Variants in NAALADL2 observed in about 807,000 individuals in gnomAD.
NAALADL2 encodes the protein N-acetylated alpha-linked acidic dipeptidase like 2, also known as inactive N-acetylated-alpha-linked acidic dipeptidase-like protein 2.
In NAALADL2, 76 loss-of-function variants were observed where a neutral mutation model predicts 87.2. That is an observed-to-expected ratio of 0.87 (90% CI 0.72 to 1.05). NAALADL2 has a LOEUF of 1.05. NAALADL2 is among the 50% of genes least tolerant of loss of function. NAALADL2 has a pLI of 0.00. For missense variants in NAALADL2, 1,089 were observed against 945.8 expected (o/e 1.15, Z -1.99); for synonymous variants, 354 against 331.0 (o/e 1.07, Z -0.75).
At chr3:175,127,351 G>A (rs1171892772) in intron 2 of NAALADL2, among the ~76,000 whole-genome samples, 3 of 151,978 alleles carry the variant, frequency 2.0e-5, no homozygotes, top group Admixed American at 6.6e-5. Flanking sequence ...GTATCCCTGC[G>A]GTAATTTCCA....
chr3:175,642,288 A>C (rs986780247), intron 11 of NAALADL2, among the ~76,000 whole-genome samples: 3 of 152,188 alleles, frequency 2.0e-5, no homozygotes, highest in African/African-American at 7.2e-5. Context: ...TTTTTACCCT[A>C]TAAGATTTAC....
chr3:174,733,514 G>T (rs1383826578), intron 2 of NAALADL2, among the ~76,000 whole-genome samples: 1 of 152,206 alleles, frequency 6.6e-6, no homozygotes, highest in Admixed American at 6.5e-5. Flanking sequence ...CAAGAGAAAG[G>T]TTAGGAAAAG....
chr3:174,772,701 G>A (rs1179508685), intron 3 of NAALADL2, among the ~76,000 whole-genome samples: 1 of 152,204 alleles, frequency 6.6e-6, no homozygotes, highest in East Asian at 1.9e-4. Context: ...TCTGCGTTCT[G>A]GTATTGATAG....
intron 11 of NAALADL2, among the ~76,000 whole-genome samples, chr3:175,657,412 T>C (rs1434534882): frequency 6.6e-6 from 1 of 152,120 alleles, no homozygotes; most frequent in African/African-American, 2.4e-5. Flanking sequence ...AAATCATTTT[T>C]TATTGCTTAT....
intron 5 of NAALADL2, among the ~76,000 whole-genome samples, chr3:175,334,852 G>A (rs1016881919): frequency 2.6e-5 from 4 of 152,108 alleles, no homozygotes; most frequent in Admixed American, 6.6e-5. Context: ...TATTGGGACC[G>A]TCAAACCACA....
At chr3:175,491,528 G>C (rs1728093869) in intron 9 of NAALADL2, among the ~76,000 whole-genome samples, 1 of 152,098 alleles carries the variant, frequency 6.6e-6, no homozygotes, top group African/African-American at 2.4e-5. Flanking sequence ...ACAGCTGAAA[G>C]TTTAAAAATC....
intron 2 of NAALADL2, among the ~76,000 whole-genome samples, chr3:175,118,969 C>CT (rs2108549314): frequency 6.6e-6 from 1 of 151,712 alleles, no homozygotes; most frequent in East Asian, 1.9e-4. Flanking sequence ...AAATTGTTGC[C>CT]TATTATAACA....
chr3:174,786,555 T>G (rs1716702740), intron 3 of NAALADL2, among the ~76,000 whole-genome samples: 1 of 152,134 alleles, frequency 6.6e-6, no homozygotes, highest in South Asian at 2.1e-4. Context: ...CTGTTCTATA[T>G]TTCTTTTCCA....
chr3:175,411,177 G>T (rs140041287), intron 5 of NAALADL2, among the ~76,000 whole-genome samples: 32 of 152,284 alleles, frequency 2.1e-4, no homozygotes, highest in African/African-American at 6.0e-4. Context: ...AGGGGCAGCA[G>T]TGTTCTCTAT....
intron 3 of NAALADL2, among the ~76,000 whole-genome samples, chr3:174,789,112 G>A (rs1717148749): frequency 6.6e-6 from 1 of 152,154 alleles, no homozygotes; most frequent in Admixed American, 6.6e-5. Context: ...CTGGAAGAGA[G>A]CAAAATGTTT....
At chr3:174,466,386 C>T (rs1357082812) in intron 1 of NAALADL2, among the ~76,000 whole-genome samples, 2 of 151,236 alleles carry the variant, frequency 1.3e-5, no homozygotes, top group East Asian at 3.9e-4. Context: ...AAAGATTGGA[C>T]CCCCCCTGGG....
At chr3:175,027,738 G>T (rs1752380768) in intron 1 of NAALADL2, among the ~76,000 whole-genome samples, 1 of 152,006 alleles carries the variant, frequency 6.6e-6, no homozygotes, top group South Asian at 2.1e-4. Flanking sequence ...AAAAACACTG[G>T]CAGAGGGCAA....
At chr3:174,790,748 G>T (rs1161509906) in intron 3 of NAALADL2, among the ~76,000 whole-genome samples, 4 of 151,944 alleles carry the variant, frequency 2.6e-5, no homozygotes, top group Admixed American at 2.6e-4. Flanking sequence ...ATAATAAGTT[G>T]TAAATCATTA....
intron 5 of NAALADL2, among the ~76,000 whole-genome samples, chr3:175,385,573 G>T (rs1028046330): frequency 6.6e-6 from 1 of 152,048 alleles, no homozygotes; most frequent in Admixed American, 6.6e-5. Flanking sequence ...TTAGCAAAGC[G>T]AATATAGTTA....
intron 4 of NAALADL2, among the ~76,000 whole-genome samples, chr3:175,267,601 A>G (rs899387776): frequency 2.0e-5 from 3 of 152,120 alleles, no homozygotes; most frequent in Non-Finnish European, 4.4e-5. Flanking sequence ...AGTATGCTTC[A>G]CATTGGAAAA....
intron 1 of NAALADL2, among the ~76,000 whole-genome samples, chr3:174,872,508 T>G (rs1228564486): frequency 1.3e-5 from 2 of 152,208 alleles, no homozygotes; most frequent in Non-Finnish European, 2.9e-5. Context: ...TTCACTGAAG[T>G]AGATTCATAT....
chr3:175,052,356 G>C (rs1422680232), intron 1 of NAALADL2, among the ~76,000 whole-genome samples: 1 of 152,154 alleles, frequency 6.6e-6, no homozygotes, highest in East Asian at 1.9e-4. Context: ...GCAAGTTTTG[G>C]GGCCAGTTTA....
intron 1 of NAALADL2, among the ~76,000 whole-genome samples, chr3:174,868,462 GT>G (rs1454040387): frequency 6.6e-6 from 1 of 152,076 alleles, no homozygotes; most frequent in Non-Finnish European, 1.5e-5. Flanking sequence ...CTTGATAAAT[GT>G]TTTTTCTGTT....
At chr3:174,467,596 T>TA (rs58227642) in intron 1 of NAALADL2, among the ~76,000 whole-genome samples, 3,199 of 59,560 alleles carry the variant, frequency 0.054, 239 homozygotes, top group Non-Finnish European at 0.068. Flanking sequence ...CCATCTCAGT[T>TA]AAAAAAAAAA....
Sources: allele counts gnomAD v4.1 joint callset (sites outside exome capture counted in the v4.1 genomes callset), GRCh38; gene constraint gnomAD v4.1.1; transcripts MANE v1.5; gene names NCBI Gene and HGNC (gene_info 2026-07-23, HGNC 2026-07-21).